Variants in SIPA1L2 observed in about 807,000 individuals in gnomAD.
SIPA1L2 encodes the protein signal induced proliferation associated 1 like 2.
SIPA1L2 carries 56 observed loss-of-function variants against 163.9 expected under a neutral mutation model. The observed-to-expected ratio is 0.34, with a 90% CI of 0.28 to 0.43. The LOEUF is 0.43. Among genes scored for constraint, SIPA1L2 ranks in the 20% least tolerant of loss-of-function variants. The probability of loss-of-function intolerance (pLI) is 1.00; values close to 1 mark genes in which losing one functional copy is unlikely to be tolerated. For missense variants in SIPA1L2, 1,974 were observed against 2,193.5 expected (o/e 0.90, Z 2.00); for synonymous variants, 877 against 865.7 (o/e 1.01, Z -0.23).
At chr1:232,624,120 A>G (rs1242664650) in intron 1 of SIPA1L2, among the ~76,000 whole-genome samples, 2 of 152,202 alleles carry the variant, frequency 1.3e-5, no homozygotes, top group African/African-American at 4.8e-5. Flanking sequence ...GTGCATGCAG[A>G]TATGTATACA....
intron 1 of SIPA1L2, among the ~76,000 whole-genome samples, chr1:232,616,835 G>A (rs1209841933): frequency 6.6e-6 from 1 of 152,200 alleles, no homozygotes; most frequent in Non-Finnish European, 1.5e-5. Context: ...GAGAGGTTTA[G>A]CAACTCAGAA....
chr1:232,471,297 A>G, intron 8 of SIPA1L2, 74 bp downstream of exon 8: 4 of 1,476,052 alleles, frequency 2.7e-6, no homozygotes, highest in Non-Finnish European at 3.7e-6. Context: ...ATTGGCAAAC[A>G]AAGATATTTT....
At chr1:232,521,283 C>T (rs995531923) in intron 2 of SIPA1L2, among the ~76,000 whole-genome samples, 3 of 152,154 alleles carry the variant, frequency 2.0e-5, no homozygotes, top group African/African-American at 7.2e-5. Flanking sequence ...AAGTACTCCA[C>T]GTGCTATTTG....
At chr1:232,406,851 T>C (rs1660667719) in intron 19 of SIPA1L2, among the ~76,000 whole-genome samples, 1 of 152,212 alleles carries the variant, frequency 6.6e-6, no homozygotes, top group Admixed American at 6.5e-5. Context: ...TAAACCTATT[T>C]CCACAAATAA....
intron 1 of SIPA1L2, among the ~76,000 whole-genome samples, chr1:232,597,504 C>T (rs12728981): frequency 0.52 from 76,592 of 147,526 alleles, 20,119 homozygotes; most frequent in Middle Eastern, 0.58. Flanking sequence ...GGTGAAACCC[C>T]GTCTCTACTA....
chr1:232,517,339 A>C (rs937392529), intron 2 of SIPA1L2, among the ~76,000 whole-genome samples: 3 of 152,198 alleles, frequency 2.0e-5, no homozygotes, highest in African/African-American at 7.2e-5. Context: ...TCAAAAAGGA[A>C]CATGCTCAGA....
intron 2 of SIPA1L2, among the ~76,000 whole-genome samples, chr1:232,523,466 G>A (rs1477467700): frequency 6.6e-6 from 1 of 152,090 alleles, no homozygotes; most frequent in Non-Finnish European, 1.5e-5. Context: ...TTTAAGCAGA[G>A]GCATTTATGT....
intron 1 of SIPA1L2, among the ~76,000 whole-genome samples, chr1:232,575,677 C>A (rs547901313): frequency 6.6e-6 from 1 of 152,252 alleles, no homozygotes; most frequent in East Asian, 1.9e-4. Context: ...TCTGGGCATA[C>A]AGCCAAAAGA....
At chr1:232,554,941 G>A (rs1216439425) in intron 2 of SIPA1L2, among the ~76,000 whole-genome samples, 2 of 152,076 alleles carry the variant, frequency 1.3e-5, no homozygotes, top group Non-Finnish European at 2.9e-5. Context: ...CTTTCTCTCC[G>A]TGAAGTATTT....
chr1:232,448,741 C>T (rs770453069), intron 10 of SIPA1L2, among the ~76,000 whole-genome samples: 8 of 152,116 alleles, frequency 5.3e-5, no homozygotes, highest in South Asian at 2.1e-4. Flanking sequence ...CTGCAAAAGG[C>T]CAAGTGACAA....
chr1:232,417,314 T>C (rs1444081880), intron 18 of SIPA1L2, among the ~76,000 whole-genome samples: 4 of 152,186 alleles, frequency 2.6e-5, no homozygotes, highest in Admixed American at 6.5e-5. Flanking sequence ...CCTTTAGAAG[T>C]TGGGGTAATA....
chr1:232,466,050 C>T lies in SIPA1L2; in HGVS notation c.2244-634G>A, dbSNP rs150552952. ...AGCCACCTAGCCTGTGGCATTAGTA[C>T]GGCAGTGCTACCAAACTAATACAGG... On this transcript the variant is annotated intron_variant, in intron 8 of 22. Coordinates refer to ENST00000674635, the MANE Select transcript of SIPA1L2 (RefSeq NM_020808.5). Among the ~76,000 whole-genome samples the T allele has an allele frequency of 7.2e-3, 1,092 of 152,180 alleles. 15 individuals are homozygous for T. Among genetic ancestry groups the T allele is most frequent in the African/African-American group, 0.025 (1,033 of 41,514 alleles).
intron 1 of SIPA1L2, among the ~76,000 whole-genome samples, chr1:232,622,538 T>C (rs571868966): frequency 7.2e-5 from 11 of 152,304 alleles, no homozygotes; most frequent in South Asian, 2.1e-4. Context: ...GGGATTCAAA[T>C]AGGGCTATGC....
At chr1:232,515,649 G>A (rs554754634) in intron 2 of SIPA1L2, 41 bp from the exon 3 acceptor site, 26 of 289,706 alleles carry the variant, frequency 9.0e-5, no homozygotes, top group African/African-American at 5.4e-4. Flanking sequence ...CAATTAATAT[G>A]CTTCAAGTTG....
intron 10 of SIPA1L2, among the ~76,000 whole-genome samples, chr1:232,450,910 T>C (rs1175499471): frequency 1.3e-5 from 2 of 152,228 alleles, no homozygotes; most frequent in Admixed American, 6.5e-5. Flanking sequence ...AGAGAGAATC[T>C]GGGTGGAATT....
At chr1:232,424,432 A>G (rs2102809105) in intron 18 of SIPA1L2, among the ~76,000 whole-genome samples, 1 of 152,220 alleles carries the variant, frequency 6.6e-6, no homozygotes, top group Admixed American at 6.5e-5. Flanking sequence ...AGAGTTCACA[A>G]GCACACTTCA....
chr1:232,598,219 T>C (rs1039051999), intron 1 of SIPA1L2, among the ~76,000 whole-genome samples: 13 of 136,344 alleles, frequency 9.5e-5, no homozygotes, highest in Admixed American at 5.5e-4. Flanking sequence ...CTGGGCAACA[T>C]AGTGAAACCC....
chr1:232,544,757 C>T lies in SIPA1L2; in HGVS notation c.-269-29149G>A, dbSNP rs970729397. On this transcript the variant is annotated intron_variant, in intron 2 of 22. Coordinates refer to ENST00000674635, the MANE Select transcript of SIPA1L2 (RefSeq NM_020808.5). ...TTACTAGCAAATAAAAGATACCTAA[C>T]GCACAACACAGCCAAGTCTTCTTGC... Among the ~76,000 whole-genome samples, 7 of 152,280 alleles carry T rather than the reference C, an allele frequency of 4.6e-5. No homozygotes were observed. In the East Asian group the frequency reaches 1.2e-3, roughly 25 times the overall value.
At chr1:232,417,546 C>T (rs146517465) in intron 18 of SIPA1L2, among the ~76,000 whole-genome samples, 110 of 152,154 alleles carry the variant, frequency 7.2e-4, no homozygotes, top group East Asian at 5.0e-3. Flanking sequence ...AAGGAGGGCA[C>T]GCAGCACTCA....
Sources: allele counts gnomAD v4.1 joint callset (sites outside exome capture counted in the v4.1 genomes callset), GRCh38; gene constraint gnomAD v4.1.1; transcripts MANE v1.5; gene names NCBI Gene and HGNC (gene_info 2026-07-23, HGNC 2026-07-21).